The following UHRF2 variants were observed in gnomAD, a reference collection of about 807,000 sequenced individuals.
The protein encoded by UHRF2 is E3 ubiquitin-protein ligase UHRF2.
A neutral mutation model predicts 96.8 loss-of-function variants in UHRF2; 23 were observed. That is an observed-to-expected ratio of 0.24 (90% CI 0.17 to 0.34). The LOEUF is 0.34. Ranked by LOEUF, UHRF2 falls within the 10% of genes least tolerant of loss-of-function variation. The pLI is 1.00. For missense variants in UHRF2, 685 were observed against 981.5 expected, an observed-to-expected ratio of 0.70 and a Z score of 4.04; for synonymous variants, 385 against 332.6, an observed-to-expected ratio of 1.16 and a Z score of -1.72.
At chr9:6,496,531 T>C (rs543567321) in intron 10 of UHRF2, 2 of 152,356 alleles carry the variant, frequency 1.3e-5, no homozygotes, top group South Asian at 2.1e-4. Flanking sequence ...TCTTTGACCA[T>C]GCATTAATGC....
chr9:6,463,690 C>T (rs1037103312), intron 4 of UHRF2, among the ~76,000 whole-genome samples: 3 of 152,006 alleles, frequency 2.0e-5, no homozygotes, highest in Non-Finnish European at 2.9e-5. Context: ...AGGCTGGTTT[C>T]GAACCCCTGA....
Position 6,492,883 on chromosome 9 carries a change from T to C in UHRF2, c.1498-943T>C, listed in dbSNP as rs1016447558. ...TTTAGTAGATACTTTATACTACTTT[T>C]AGATTTTTCAAATTTTTTCCAAATT... is the stretch of plus-strand genomic sequence containing the variant. On this transcript the variant is annotated intron_variant, in intron 9 of 15. Coordinates refer to ENST00000276893, the MANE Select transcript of UHRF2 (RefSeq NM_152896.3). 2.2e-4 allele frequency: 33 copies of C among 151,628 alleles called. 1 individual carries two copies. The highest frequency in any genetic ancestry group is 1.7e-3 in the Admixed American group (26 of 15,192). The allele number at this position is 151,628 out of a possible 1,614,324, so 9.4% of individuals were successfully genotyped here.
At chr9:6,414,430 G>A (rs1056732976) in intron 1 of UHRF2, among the ~76,000 whole-genome samples, 3 of 152,196 alleles carry the variant, frequency 2.0e-5, no homozygotes, top group African/African-American at 7.2e-5. Flanking sequence ...TTTAAGCATA[G>A]CACTGCAGCA....
chr9:6,423,791 A>G (rs1381577730), intron 2 of UHRF2, among the ~76,000 whole-genome samples: 2 of 152,038 alleles, frequency 1.3e-5, no homozygotes, highest in African/African-American at 4.8e-5. Flanking sequence ...TAAAAATACA[A>G]AAAATTAGCT....
At chr9:6,448,309 A>G (rs1016750877) in intron 3 of UHRF2, among the ~76,000 whole-genome samples, 2 of 152,224 alleles carry the variant, frequency 1.3e-5, no homozygotes, top group African/African-American at 4.8e-5. Flanking sequence ...GAAGGAAGGA[A>G]ATGTAATTAA....
At chr9:6,429,478 G>T (rs1820450859) in intron 2 of UHRF2, among the ~76,000 whole-genome samples, 1 of 152,014 alleles carries the variant, frequency 6.6e-6, no homozygotes, top group African/African-American at 2.4e-5. Flanking sequence ...ATAGTGGCGG[G>T]ATCCACGCCT....
At position 6,504,695 on chromosome 9, in the gene UHRF2, A is replaced by G; in HGVS notation, c.2262+4A>G. 6.2e-7 allele frequency: 1 copy of G among 1,609,238 alleles called. No homozygotes were observed. The highest frequency in any genetic ancestry group is 8.5e-7 in the Non-Finnish European group (1 of 1,176,446). On this transcript the variant is annotated splice_donor_region_variant and intron_variant, in intron 15 of 15. Transcript: ENST00000276893. ...GTGCTTCCACAATGTCTGTAAAGTA[A>G]GTAGAATTCCTTCCTCACTTTCCCT...
chr9:6,499,563 C>G (rs1825155519), intron 12 of UHRF2: 1 of 215,446 alleles, frequency 4.6e-6, no homozygotes, highest in South Asian at 1.3e-4. Flanking sequence ...AATCACAACT[C>G]CTGAAGACTT....
intron 2 of UHRF2, among the ~76,000 whole-genome samples, chr9:6,429,406 T>C (rs1351476818): frequency 6.6e-6 from 1 of 152,150 alleles, no homozygotes; most frequent in African/African-American, 2.4e-5. Flanking sequence ...CTCTGAGGTT[T>C]TGTGGTTTTT....
At chr9:6,435,274 G>A (rs1054551016) in intron 3 of UHRF2, among the ~76,000 whole-genome samples, 3 of 151,924 alleles carry the variant, frequency 2.0e-5, no homozygotes, top group Admixed American at 6.6e-5. Flanking sequence ...GATTACAGGC[G>A]TAAGCCACCA....
intron 3 of UHRF2, among the ~76,000 whole-genome samples, chr9:6,447,056 T>C (rs1821558765): frequency 6.6e-6 from 1 of 151,810 alleles, no homozygotes; most frequent in African/African-American, 2.4e-5. Flanking sequence ...ACCCGGCTAA[T>C]TTTTTTGTAT....
In UHRF2 at chr9:6,481,632, T is replaced by C. The variant is rs184046939; in HGVS notation, c.1161-11T>C. The stretch of plus-strand genomic sequence containing the variant: ...TGTGAAAATGCCTTCGTTCTTTTTT[T>C]TCTTTTAAAGGTATTGTCCTTCTTG... On this transcript the variant is annotated splice_polypyrimidine_tract_variant and intron_variant, in intron 6 of 15. Transcript: ENST00000276893. The C allele has an allele frequency of 7.3e-5, 118 of 1,605,994 alleles. 2 individuals are homozygous for C. In the East Asian group the frequency reaches 2.5e-3, roughly 34 times the overall value.
At chr9:6,426,651 C>T (rs990047847) in intron 2 of UHRF2, among the ~76,000 whole-genome samples, 3 of 152,126 alleles carry the variant, frequency 2.0e-5, no homozygotes, top group South Asian at 2.1e-4. Flanking sequence ...TGTTTGTAAT[C>T]GGTATTCTGC....
chr9:6,470,842 TA>T (rs1823202586), intron 4 of UHRF2, among the ~76,000 whole-genome samples: 1 of 152,160 alleles, frequency 6.6e-6, no homozygotes, highest in Admixed American at 6.6e-5. Flanking sequence ...AATATTAGTC[TA>T]ATCCAAAATA....
Position 6,460,588 on chromosome 9 carries a change from T to A in UHRF2, c.660T>A (p.Gly220=). The A allele has an allele frequency of 6.2e-7, 1 of 1,605,362 alleles. No individual in the cohort carries two copies. The highest frequency in any genetic ancestry group is 8.5e-7 in the Non-Finnish European group (1 of 1,174,514). ...HIQYDEYPES[G]TLEMNVKDLR... Reference sequence around the variant, plus strand: ...CTCTCCTCAGATACCCAGAAAGCGGTACTCTAGAAATGAATGTCAAGGATC... The same window carrying A: ...CTCTCCTCAGATACCCAGAAAGCGGAACTCTAGAAATGAATGTCAAGGATC... The change falls in exon 4 of 16, where the codon GGT becomes GGA. Residue 220 remains glycine, a synonymous_variant. Coordinates refer to ENST00000276893, the MANE Select transcript of UHRF2 (RefSeq NM_152896.3).
chr9:6,470,650 G>A (rs938879624), intron 4 of UHRF2, among the ~76,000 whole-genome samples: 2 of 152,010 alleles, frequency 1.3e-5, no homozygotes, highest in African/African-American at 2.4e-5. Context: ...AAAAAAATGC[G>A]TGACAACAAT....
chr9:6,468,726 C>T (rs1434205946), intron 4 of UHRF2: 2 of 455,710 alleles, frequency 4.4e-6, no homozygotes, highest in Non-Finnish European at 8.8e-6. Context: ...GCATTTTCAG[C>T]AGTCTTAGAA....
chr9:6,485,933 G>A (rs1043561780), intron 8 of UHRF2, among the ~76,000 whole-genome samples: 2 of 151,822 alleles, frequency 1.3e-5, no homozygotes, highest in Non-Finnish European at 2.9e-5. Context: ...AGGCAGGAAT[G>A]AAGATATGAG....
Position 6,413,483 on chromosome 9 carries a change from G to T in UHRF2, c.-8G>T, listed in dbSNP as rs776751438. The stretch of plus-strand genomic sequence containing the variant: ...ACAAAGGGGACCGGTTCCTCTCTAG[G>T]CGCCAAGATGTGGATACAGGTTCGC... On this transcript the variant is annotated 5_prime_UTR_variant, in exon 1 of 16. Coordinates refer to ENST00000276893, the MANE Select transcript of UHRF2 (RefSeq NM_152896.3). 16 of 1,539,070 alleles carry T rather than the reference G, an allele frequency of 1.0e-5. No individual in the cohort carries two copies. In the South Asian group the frequency reaches 1.7e-4, roughly 16 times the overall value.
Sources: gnomAD v4.1 joint callset for allele counts (sites outside exome capture counted in the v4.1 genomes callset) on GRCh38, gnomAD v4.1.1 for gene constraint, MANE v1.5 for transcripts, NCBI Gene and HGNC (gene_info 2026-07-23, HGNC 2026-07-21) for gene names.